The following LNX1 variants were observed in gnomAD, a reference collection of about 807,000 sequenced individuals.
The protein encoded by LNX1 is ligand of numb-protein X 1.
A neutral mutation model predicts 68.4 loss-of-function variants in LNX1; 54 were observed. The observed-to-expected ratio is 0.79, with a 90% CI of 0.63 to 0.99. The LOEUF (loss-of-function observed/expected upper bound fraction) is 0.99. LNX1 is among the 50% of genes least tolerant of loss of function. LNX1 has a pLI of 0.00. For synonymous variants in LNX1, 336 were observed against 350.0 expected (o/e 0.96, Z 0.45); for missense variants, 906 against 926.4 (o/e 0.98, Z 0.29).
At chr4:53,566,433 C>G (rs1046695206) in intron 2 of LNX1, among the ~76,000 whole-genome samples, 1 of 151,908 alleles carries the variant, frequency 6.6e-6, no homozygotes, top group Admixed American at 6.6e-5. Flanking sequence ...AAATACTTTA[C>G]AGACAAGCAA....
At chr4:53,517,667 G>C (rs1038459670) in intron 2 of LNX1, among the ~76,000 whole-genome samples, 2 of 152,194 alleles carry the variant, frequency 1.3e-5, no homozygotes, top group African/African-American at 4.8e-5. Flanking sequence ...AAGACATTAG[G>C]TAAAGACATT....
At chr4:53,503,464 A>T (rs1725647034) in intron 4 of LNX1, among the ~76,000 whole-genome samples, 1 of 152,244 alleles carries the variant, frequency 6.6e-6, no homozygotes, top group Non-Finnish European at 1.5e-5. Flanking sequence ...TCTCCATCGA[A>T]GTACTTGGGT....
chr4:53,598,506 T>TA (rs1186619127), intron 2 of LNX1, among the ~76,000 whole-genome samples: 6 of 152,160 alleles, frequency 3.9e-5, no homozygotes, highest in Admixed American at 3.9e-4. Context: ...ATGGTAGGAC[T>TA]AGAGGTGTGA....
Position 53,491,807 on chromosome 4 carries a change from TTG to T in LNX1, c.1350+4214_1350+4215del, listed in dbSNP as rs1201747397. 5.3e-5 allele frequency among the ~76,000 whole-genome samples: 8 copies of T among 150,580 alleles called. 2 individuals are homozygous for T. The highest frequency in any genetic ancestry group is 1.3e-4 in the Admixed American group (2 of 15,164). On this transcript the variant is annotated intron_variant, in intron 6 of 10. Transcript: ENST00000263925. ...GGATACGATACTTTTTTTTGTTTGT[TTG>T]TTTTTTGAGAAAAGTTTCACTCTTT... is the stretch of plus-strand genomic sequence containing the variant.
chr4:53,537,552 G>C (rs545851846), intron 2 of LNX1, among the ~76,000 whole-genome samples: 3 of 152,290 alleles, frequency 2.0e-5, no homozygotes, highest in Non-Finnish European at 2.9e-5. Flanking sequence ...CATTTTTTAT[G>C]TTCCTTTAGT....
rs753569335 is a variant in LNX1 at position 53,460,105 on chromosome 4, A to ACTC, written c.*799_*801dup. 1 of 199,646 alleles carries ACTC rather than the reference A, an allele frequency of 5.0e-6. No homozygotes were observed. The allele number at this position is 199,646 out of a possible 1,614,324, so 12.4% of individuals were successfully genotyped here. On this transcript the variant is annotated 3_prime_UTR_variant, in exon 11 of 11. Transcript: ENST00000263925. ...GTTTCTAGGAGGCATGTGTACACAC[A>ACTC]CTCTTCATTGTGGCACAAATTTAAA...
At chr4:53,587,021 C>G (rs944241242) in intron 1 of LNX1, among the ~76,000 whole-genome samples, 4 of 152,194 alleles carry the variant, frequency 2.6e-5, no homozygotes, top group African/African-American at 9.6e-5. Flanking sequence ...ACTCATCCAG[C>G]AAACATACAC....
intron 1 of LNX1, among the ~76,000 whole-genome samples, chr4:53,650,464 G>A (rs1178292846): frequency 2.0e-5 from 3 of 152,236 alleles, no homozygotes; most frequent in South Asian, 2.1e-4. Flanking sequence ...AATGGGAGCC[G>A]GCTTCTGATG....
chr4:53,502,258 T>C (rs771333592), intron 4 of LNX1, among the ~76,000 whole-genome samples: 2 of 152,262 alleles, frequency 1.3e-5, no homozygotes, highest in Non-Finnish European at 2.9e-5. Context: ...ATGGCTGCTA[T>C]GGTCATTAAT....
At chr4:53,566,499 C>T (rs1390466316) in intron 2 of LNX1, among the ~76,000 whole-genome samples, 11 of 150,090 alleles carry the variant, frequency 7.3e-5, no homozygotes, top group Admixed American at 1.3e-4. Flanking sequence ...CTGAAGGAAG[C>T]GCTAAACATG....
At chr4:53,487,269 C>T (rs975545707) in intron 6 of LNX1, among the ~76,000 whole-genome samples, 8 of 152,198 alleles carry the variant, frequency 5.3e-5, no homozygotes, top group South Asian at 2.1e-4. Context: ...CCAGTGAAAA[C>T]GTACAGGGGG....
At chr4:53,531,072 G>T (rs1220307726) in intron 2 of LNX1, among the ~76,000 whole-genome samples, 2 of 152,312 alleles carry the variant, frequency 1.3e-5, no homozygotes, top group East Asian at 3.9e-4. Flanking sequence ...GGCTGAGGTG[G>T]GAGGATGGCT....
chr4:53,560,841 C>T (rs6554114), intron 2 of LNX1, among the ~76,000 whole-genome samples: 151,375 of 152,362 alleles, frequency 0.99, 75,202 homozygotes, highest in Middle Eastern at 1. Context: ...CAATATAACA[C>T]AATTTTCCAT....
At chr4:53,577,890 G>T (rs1317315917) in intron 1 of LNX1, among the ~76,000 whole-genome samples, 1 of 152,026 alleles carries the variant, frequency 6.6e-6, no homozygotes, top group Non-Finnish European at 1.5e-5. Context: ...TTTTGTTTTT[G>T]ATGATTTGAT....
intron 2 of LNX1, among the ~76,000 whole-genome samples, chr4:53,609,553 G>T: frequency 6.9e-6 from 1 of 145,148 alleles, no homozygotes; most frequent in Admixed American, 7.0e-5. Flanking sequence ...TATAATTTAT[G>T]TATAAATAAT....
intron 7 of LNX1, among the ~76,000 whole-genome samples, chr4:53,479,014 A>G (rs1316262077): frequency 3.9e-5 from 6 of 152,352 alleles, no homozygotes; most frequent in African/African-American, 1.4e-4. Context: ...CTTCAAAAGG[A>G]AAGAGTAAAA....
chr4:53,494,650 G>C (rs1246590571), intron 6 of LNX1, among the ~76,000 whole-genome samples: 1 of 152,204 alleles, frequency 6.6e-6, no homozygotes, highest in Admixed American at 6.5e-5. Context: ...ATAAAGTCCA[G>C]CTTTCCTGCC....
chr4:53,481,421 A>C (rs1039243821), intron 7 of LNX1, among the ~76,000 whole-genome samples: 1 of 152,246 alleles, frequency 6.6e-6, no homozygotes, highest in African/African-American at 2.4e-5. Flanking sequence ...TCCTCAAACA[A>C]GATGACTCTT....
At chr4:53,472,067 A>G (rs540279834) in intron 9 of LNX1, among the ~76,000 whole-genome samples, 13 of 152,174 alleles carry the variant, frequency 8.5e-5, no homozygotes, top group African/African-American at 2.4e-4. Flanking sequence ...ATTCACAATA[A>G]CAAAGACTTG....
Sources: gnomAD v4.1 joint callset for allele counts (sites outside exome capture counted in the v4.1 genomes callset) on GRCh38, gnomAD v4.1.1 for gene constraint, MANE v1.5 for transcripts, NCBI Gene and HGNC (gene_info 2026-07-23, HGNC 2026-07-21) for gene names.